Variants in VPS18 observed in about 807,000 individuals in gnomAD.
VPS18 encodes VPS18 core subunit of CORVET and HOPS complexes.
Under a neutral mutation model 82.0 loss-of-function variants are expected in VPS18, and 25 were observed. That is an observed-to-expected ratio of 0.30 (90% CI 0.22 to 0.43). The LOEUF is 0.43. Ranked by LOEUF, VPS18 falls within the 20% of genes least tolerant of loss-of-function variation. The pLI is 1.00. For synonymous variants in VPS18, 523 were observed against 543.0 expected (o/e 0.96, Z 0.51); for missense variants, 1,168 against 1,311.1 (o/e 0.89, Z 1.69).
At position 40,901,052 on chromosome 15, in the gene VPS18, C is replaced by T. The variant is rs541467584; in HGVS notation, c.2196+38C>T. The T allele has an allele frequency of 2.5e-6, 4 of 1,572,800 alleles. No homozygotes were observed. The South Asian group carries it at 4.5e-5, about 18-fold the overall frequency. ...GTCTTGACCCCAGCTGGGAGAGGGA[C>T]CCAAAGAGCAGTAGCTTTAGATGTG... On this transcript the variant is annotated intron_variant, in intron 4 of 4. Coordinates refer to ENST00000220509, the MANE Select transcript of VPS18 (RefSeq NM_020857.3).
chr15:40,897,481 C>G (rs1892249300), intron 2 of VPS18, among the ~76,000 whole-genome samples: 2 of 151,966 alleles, frequency 1.3e-5, no homozygotes, highest in South Asian at 4.1e-4. Context: ...ACAAAACCAC[C>G]CTATTTATGT....
intron 2 of VPS18, among the ~76,000 whole-genome samples, chr15:40,896,609 G>A (rs1269766844): frequency 8.6e-5 from 13 of 151,328 alleles, no homozygotes; most frequent in Non-Finnish European, 1.8e-4. Flanking sequence ...TCAGGAGTTC[G>A]ACACCAGCCT....
intron 2 of VPS18, among the ~76,000 whole-genome samples, chr15:40,896,672 G>A (rs985226824): frequency 5.3e-5 from 8 of 151,748 alleles, no homozygotes; most frequent in Middle Eastern, 6.3e-3. Context: ...TTAGCCGGGC[G>A]TGGTGGCAGG....
At position 40,898,946 on chromosome 15, in the gene VPS18, G is replaced by A. The variant is rs774776631; in HGVS notation, c.273G>A (p.Glu91=). Residue 91 remains glutamate, a synonymous_variant, in exon 3 of 5, where the codon GAG becomes GAA. Coordinates refer to ENST00000220509, the MANE Select transcript of VPS18 (RefSeq NM_020857.3). ...LGKANEPNHV[E]LGRKDDAKVH... is the part of the protein sequence containing the mutation. ...AGGCAAATGAGCCCAACCACGTGGAGCTGGGACGTAAGGATGACGCAAAAG... is the reference window on the plus strand; with the variant it reads ...AGGCAAATGAGCCCAACCACGTGGAACTGGGACGTAAGGATGACGCAAAAG... 6.2e-6 allele frequency: 10 copies of A among 1,614,058 alleles called. No individual in the cohort carries two copies. Among genetic ancestry groups the A allele is most frequent in the East Asian group, 4.5e-5 (2 of 44,900 alleles).
In VPS18 at chr15:40,900,071, G is replaced by T. The variant is rs757021660; in HGVS notation, c.1253G>T (p.Arg418Leu). 6.2e-7 allele frequency: 1 copy of T among 1,613,710 alleles called. No homozygotes were observed. Among genetic ancestry groups the T allele is most frequent in the Non-Finnish European group, 8.5e-7 (1 of 1,180,008 alleles). Reference sequence around the variant, plus strand: ...CTGGCCAAAGAGTATTGTCGAGAGCGGCCCGACTGCCTGGACACGGTCCTG... The same window carrying T: ...CTGGCCAAAGAGTATTGTCGAGAGCTGCCCGACTGCCTGGACACGGTCCTG... ...FDLAKEYCRE[R>L]PDCLDTVLAR... is the part of the protein sequence containing the mutation. The change falls in exon 4 of 5, where the codon CGG (arginine) becomes CTG (leucine). Residue 418 changes from arginine (R) to leucine (L), a missense_variant. Physicochemically the swap from Arg to Leu is moderately radical, Grantham distance 102 (BLOSUM62 -2). Transcript: ENST00000220509. This position sits in a 1 kb window ranked among gnomAD's most constrained non-coding sequence, Gnocchi z 5.4.
Position 40,900,538 on chromosome 15 carries a change from T to G in VPS18, c.1720T>G (p.Cys574Gly). The stretch of plus-strand genomic sequence containing the variant: ...CTATGAGCGGGTGGTGGCTTACCAC[T>G]GTCAGCACGAGGCCTACGAGGAGGC... ...QDYERVVAYH[C>G]QHEAYEEALA... is the part of the protein sequence containing the mutation. Residue 574 changes from cysteine to glycine, a missense_variant, in exon 4 of 5, where the codon TGT becomes GGT. Cys to Gly is a radical substitution (Grantham distance 159, BLOSUM62 -3). This residue lies in a region of VPS18 where 868 missense variants were observed against 939.8 expected (regional missense o/e 0.92). Coordinates refer to ENST00000220509, the MANE Select transcript of VPS18 (RefSeq NM_020857.3). This position sits in a 1 kb window ranked among gnomAD's most constrained non-coding sequence, Gnocchi z 5.4. The G allele has an allele frequency of 6.2e-7, 1 of 1,614,064 alleles. No individual in the cohort carries two copies. Among genetic ancestry groups the G allele is most frequent in the African/African-American group, 1.3e-5 (1 of 75,040 alleles).
chr15:40,899,332 G>A lies in VPS18; in HGVS notation c.514G>A (p.Ala172Thr). 1 of 1,613,864 alleles carries A rather than the reference G, an allele frequency of 6.2e-7. No individual in the cohort carries two copies. The highest frequency in any genetic ancestry group is 8.5e-7 in the Non-Finnish European group (1 of 1,179,746). Reference sequence around the variant, plus strand: ...GACTGCCCAAGGCCACATCTTTGAAGCAGAGCTCTCAGCCAGCGAAGGTGG... The same window carrying A: ...GACTGCCCAAGGCCACATCTTTGAAACAGAGCTCTCAGCCAGCGAAGGTGG... ...VGTAQGHIFE[A>T]ELSASEGGLF... Residue 172 changes from alanine (A) to threonine (T), a missense_variant, in exon 4 of 5, where the codon GCA (alanine) becomes ACA (threonine). Coordinates refer to ENST00000220509, the MANE Select transcript of VPS18 (RefSeq NM_020857.3). The surrounding 1 kb of genome is among the most constrained non-coding windows in gnomAD (Gnocchi z 4.4).
rs750659641 is a variant in VPS18 at position 40,902,567 on chromosome 15, A to C, written c.2197-49A>C. 9.6e-6 allele frequency: 15 copies of C among 1,565,298 alleles called. No homozygotes were observed. Among genetic ancestry groups the C allele is most frequent in the Non-Finnish European group, 1.2e-5 (14 of 1,152,606 alleles). ...GCCATCTCTCTCTCCCATAGTCTCC[A>C]TGTTGGGCAGGGAGGGGCTTGGCCC... On this transcript the variant is annotated intron_variant, in intron 4 of 4. Coordinates refer to ENST00000220509, the MANE Select transcript of VPS18 (RefSeq NM_020857.3). The surrounding 1 kb of genome is among the most constrained non-coding windows in gnomAD (Gnocchi z 4.2).
At chr15:40,901,989 G>A (rs957705402) in intron 4 of VPS18, among the ~76,000 whole-genome samples, 1 of 152,188 alleles carries the variant, frequency 6.6e-6, no homozygotes, top group African/African-American at 2.4e-5. Flanking sequence ...CGCATGAAGT[G>A]CTATTTAACA....
In VPS18 at chr15:40,902,648, C is replaced by T; in HGVS notation, c.2229C>T (p.Asp743=). The part of the protein sequence containing the change: ...VDVDLAKQCA[D]LPEEDEELRK... Reference sequence around the variant, plus strand: ...TGGACCTGGCCAAGCAGTGTGCAGACCTGCCTGAGGAGGATGAGGAATTGC... The same window carrying T: ...TGGACCTGGCCAAGCAGTGTGCAGATCTGCCTGAGGAGGATGAGGAATTGC... The change falls in exon 5 of 5, where the codon GAC becomes GAT. Residue 743 remains aspartate, a synonymous_variant. Coordinates refer to ENST00000220509, the MANE Select transcript of VPS18 (RefSeq NM_020857.3). The surrounding 1 kb of genome is among the most constrained non-coding windows in gnomAD (Gnocchi z 4.2). 6.2e-7 allele frequency: 1 copy of T among 1,614,084 alleles called. No individual in the cohort carries two copies.
In VPS18 at chr15:40,900,641, G is replaced by A. The variant is rs34865655; in HGVS notation, c.1823G>A (p.Arg608His). 8,516 of 1,614,004 alleles carry A rather than the reference G, an allele frequency of 5.3e-3. 24 individuals are homozygous for A. Among genetic ancestry groups the A allele is most frequent in the South Asian group, 6.3e-3 (576 of 91,076 alleles). ...CCCATCCTCATCCGTCACATCCCCC[G>A]CCAGCTTGTAGATGCCTGGATTGAG... ...FSPILIRHIP[R>H]QLVDAWIEMG... is the part of the protein sequence containing the mutation. Residue 608 changes from arginine (R) to histidine (H), a missense_variant, in exon 4 of 5, where the codon CGC (arginine) becomes CAC (histidine). Physicochemically the swap from Arg to His is conservative, Grantham distance 29 (BLOSUM62 0). Around this residue, in one of 3 missense-constraint regions of VPS18, gnomAD observed 868 missense variants for 939.8 expected, o/e 0.92. Transcript: ENST00000220509. This position sits in a 1 kb window ranked among gnomAD's most constrained non-coding sequence, Gnocchi z 5.4.
Position 40,900,506 on chromosome 15 carries a change from T to C in VPS18, c.1688T>C (p.Met563Thr). Residue 563 changes from methionine (M) to threonine (T), a missense_variant, in exon 4 of 5, where the codon ATG (methionine) becomes ACG (threonine). By Grantham distance (81) the Met-to-Thr change is moderately conservative. Around this residue, in one of 3 missense-constraint regions of VPS18, gnomAD observed 868 missense variants for 939.8 expected, o/e 0.92. Transcript: ENST00000220509. This position sits in a 1 kb window ranked among gnomAD's most constrained non-coding sequence, Gnocchi z 5.4. Reference sequence around the variant, plus strand: ...CACATGGTGTACTTTGCAGTGATCATGCAGGACTATGAGCGGGTGGTGGCT... The same window carrying C: ...CACATGGTGTACTTTGCAGTGATCACGCAGGACTATGAGCGGGTGGTGGCT... ...TEHMVYFAVI[M>T]QDYERVVAYH... is the part of the protein sequence containing the mutation. 6.2e-7 allele frequency: 1 copy of C among 1,614,148 alleles called. No homozygotes were observed. Among genetic ancestry groups the C allele is most frequent in the Non-Finnish European group, 8.5e-7 (1 of 1,180,018 alleles).
At position 40,899,770 on chromosome 15, in the gene VPS18, G is replaced by GT; in HGVS notation, c.953dup (p.Gly319ArgfsTer65). 1 of 1,613,052 alleles carries GT rather than the reference G, an allele frequency of 6.2e-7. No individual in the cohort carries two copies. The highest frequency in any genetic ancestry group is 8.5e-7 in the Non-Finnish European group (1 of 1,180,032). On this transcript the variant is annotated frameshift_variant, in exon 4 of 5. Transcript: ENST00000220509. LOFTEE classifies it high-confidence loss of function. The surrounding 1 kb of genome is among the most constrained non-coding windows in gnomAD (Gnocchi z 4.4). ...GCGAGTCTGGGAGTACCCAGAGGGG[G>GT]TAGGGCCTGGGGCCAGCCCACCCCT...
chr15:40,898,915 T>C lies in VPS18; in HGVS notation c.242T>C (p.Leu81Ser), dbSNP rs772122180. 1 of 1,614,090 alleles carries C rather than the reference T, an allele frequency of 6.2e-7. No homozygotes were observed. Residue 81 changes from leucine to serine, a missense_variant, in exon 3 of 5, where the codon TTG becomes TCG. Transcript: ENST00000220509. ...LGKDTLLRIDLGKANEPNHVE... is the reference protein window; with the variant it reads ...LGKDTLLRIDSGKANEPNHVE... ...GACGCTTGTCCCCACAGCATTGACT[T>C]GGGCAAGGCAAATGAGCCCAACCAC...
Position 40,899,114 on chromosome 15 carries a change from C to A in VPS18, c.326-30C>A. ...GGCTGAGGATGGGAACGGCAGCATC[C>A]ACTGGGGCGCCATGCTCTCCCCACT... On this transcript the variant is annotated intron_variant, in intron 3 of 4. Coordinates refer to ENST00000220509, the MANE Select transcript of VPS18 (RefSeq NM_020857.3). This position sits in a 1 kb window ranked among gnomAD's most constrained non-coding sequence, Gnocchi z 4.4. The A allele has an allele frequency of 6.2e-7, 1 of 1,604,982 alleles. No homozygotes were observed. Among genetic ancestry groups the A allele is most frequent in the South Asian group, 1.1e-5 (1 of 90,212 alleles).
intron 2 of VPS18, chr15:40,898,682 A>C: frequency 1.7e-6 from 1 of 580,448 alleles, no homozygotes; most frequent in Non-Finnish European, 3.1e-6. Context: ...CATGTTGCCC[A>C]GTCTGGTCTC....
In VPS18 at chr15:40,898,723, T is replaced by G. The variant is rs553224198; in HGVS notation, c.234-184T>G. On this transcript the variant is annotated intron_variant, in intron 2 of 4. Transcript: ENST00000220509. ...CCTGAGCTCAAGCAATCTACCCACCTCGGACTCCCAAAGTGCTGGGATTAC... is the reference window on the plus strand; with the variant it reads ...CCTGAGCTCAAGCAATCTACCCACCGCGGACTCCCAAAGTGCTGGGATTAC... The G allele has an allele frequency of 9.5e-5, 65 of 681,042 alleles. No homozygotes were observed. In the East Asian group the frequency reaches 1.4e-3, roughly 15 times the overall value. 42.2% of individuals were successfully genotyped at this position (681,042 alleles called of 1,614,324 possible).
At position 40,900,534 on chromosome 15, in the gene VPS18, C is replaced by T; in HGVS notation, c.1716C>T (p.Tyr572=). 1 of 1,614,066 alleles carries T rather than the reference C, an allele frequency of 6.2e-7. No homozygotes were observed. Among genetic ancestry groups the T allele is most frequent in the Non-Finnish European group, 8.5e-7 (1 of 1,180,042 alleles). The change falls in exon 4 of 5, where the codon TAC becomes TAT. Residue 572 remains tyrosine (Y), a synonymous_variant. Coordinates refer to ENST00000220509, the MANE Select transcript of VPS18 (RefSeq NM_020857.3). The surrounding 1 kb of genome is among the most constrained non-coding windows in gnomAD (Gnocchi z 5.4). The part of the protein sequence containing the change: ...IMQDYERVVA[Y]HCQHEAYEEA... Reference sequence around the variant, plus strand: ...AGGACTATGAGCGGGTGGTGGCTTACCACTGTCAGCACGAGGCCTACGAGG... The same window carrying T: ...AGGACTATGAGCGGGTGGTGGCTTATCACTGTCAGCACGAGGCCTACGAGG...
intron 2 of VPS18, among the ~76,000 whole-genome samples, chr15:40,898,142 A>G (rs956211425): frequency 6.0e-5 from 9 of 148,798 alleles, no homozygotes; most frequent in African/African-American, 2.2e-4. Context: ...AATTTTTTGT[A>G]TTTTTAGTAG....
Sources: allele counts gnomAD v4.1 joint callset (sites outside exome capture counted in the v4.1 genomes callset), GRCh38; gene constraint gnomAD v4.1.1; regional missense constraint gnomAD v4.1.1; non-coding constraint Gnocchi (gnomAD v3.1); transcripts MANE v1.5; gene names NCBI Gene and HGNC (gene_info 2026-07-23, HGNC 2026-07-21).